CARD14: variants seen among roughly 807,000 people sequenced by gnomAD.
CARD14 encodes caspase recruitment domain family member 14.
A neutral mutation model predicts 111.5 loss-of-function variants in CARD14; 107 were observed. The observed-to-expected ratio is 0.96, with a 90% CI of 0.82 to 1.13. CARD14 has a LOEUF of 1.13. CARD14 is among the 50% of genes most tolerant of loss of function. CARD14 has a pLI of 0.00. For synonymous variants in CARD14, 617 were observed against 579.6 expected, an observed-to-expected ratio of 1.06 and a Z score of -0.93; for missense variants, 1,322 against 1,362.3, an observed-to-expected ratio of 0.97 and a Z score of 0.47.
At chr17:80,178,337 T>C (rs1406866425) in intron 2 of CARD14, among the ~76,000 whole-genome samples, 171 bp from the exon 3 acceptor site, 2 of 152,178 alleles carry the variant, frequency 1.3e-5, no homozygotes, top group African/African-American at 4.8e-5. Flanking sequence ...GAAGCTTCAA[T>C]AGTTACTGGG....
Position 80,182,518 on chromosome 17 carries a change from C to T in CARD14, c.212-135C>T, listed in dbSNP as rs80334117. ...TCCCACCCAGCAGAACCCAGAAAAC[C>T]GCTTTCACCTCCCGATTCTTACATG... On this transcript the variant is annotated intron_variant, in intron 5 of 23. Transcript: ENST00000648509. The surrounding 1 kb of genome is among the most constrained non-coding windows in gnomAD (Gnocchi z 4.7). 3.3e-5 allele frequency: 35 copies of T among 1,055,524 alleles called. No individual in the cohort carries two copies. The highest frequency in any genetic ancestry group is 7.8e-5 in the East Asian group (3 of 38,426). The allele number at this position is 1,055,524 out of a possible 1,614,324, so 65.4% of individuals were successfully genotyped here.
At chr17:80,206,938 C>T in intron 22 of CARD14, 32 bp from the exon 23 acceptor site, 1 of 1,543,528 alleles carries the variant, frequency 6.5e-7, no homozygotes, top group Non-Finnish European at 8.9e-7. Flanking sequence ...GGCCTGTGAT[C>T]TTGACTCACT....
chr17:80,202,556 C>T, intron 18 of CARD14, 136 bp downstream of exon 18: 1 of 1,454,466 alleles, frequency 6.9e-7, no homozygotes, highest in Non-Finnish European at 9.0e-7. Flanking sequence ...GGGAAGCCTG[C>T]CAAGATCACT....
At chr17:80,206,877 T>G (rs1027203917) in intron 22 of CARD14, 93 bp from the exon 23 acceptor site, 2 of 759,612 alleles carry the variant, frequency 2.6e-6, no homozygotes, top group Non-Finnish European at 4.2e-6. Flanking sequence ...GCCCTCAGCC[T>G]GTCCGGAGGG....
chr17:80,201,817 T>G lies in CARD14; in HGVS notation c.1925T>G (p.Leu642Arg). 1 of 1,614,042 alleles carries G rather than the reference T, an allele frequency of 6.2e-7. No individual in the cohort carries two copies. Among genetic ancestry groups the G allele is most frequent in the South Asian group, 1.1e-5 (1 of 91,084 alleles). Residue 642 changes from leucine (L) to arginine (R), a missense_variant, in exon 17 of 24, where the codon CTT (leucine) becomes CGT (arginine). Coordinates refer to ENST00000648509, the MANE Select transcript of CARD14 (RefSeq NM_001366385.1). The surrounding 1 kb of genome is among the most constrained non-coding windows in gnomAD (Gnocchi z 5.0). ...ACGACCCTGGAGGAGGCCGTGGGGC[T>G]TCTCAGGAGGGTGGACGGCTTCTGC... ...EDTTLEEAVG[L>R]LRRVDGFCCL...
At chr17:80,176,276 A>T (rs1412515046) in intron 2 of CARD14, among the ~76,000 whole-genome samples, 5 of 151,072 alleles carry the variant, frequency 3.3e-5, no homozygotes, top group Non-Finnish European at 1.5e-5. Context: ...ACAAAAAACA[A>T]CAACAACAAA....
chr17:80,190,636 G>T, intron 9 of CARD14, 138 bp from the exon 10 acceptor site: 1 of 843,866 alleles, frequency 1.2e-6, no homozygotes, highest in Non-Finnish European at 1.7e-6. Context: ...AAAAGAGAGA[G>T]AGAGACGAGT....
chr17:80,197,935 G>A lies in CARD14; in HGVS notation c.1595-164G>A, dbSNP rs575886564. Among the ~76,000 whole-genome samples the A allele has an allele frequency of 8.5e-5, 13 of 152,262 alleles. No homozygotes were observed. In the East Asian group the frequency reaches 2.1e-3, roughly 25 times the overall value. The stretch of plus-strand genomic sequence containing the variant: ...AAGGATGGAACAGGCAGTGGGGCCT[G>A]AGGCTGAGGGAGAAGGGGCTGAGGT... On this transcript the variant is annotated intron_variant, in intron 14 of 23. Coordinates refer to ENST00000648509, the MANE Select transcript of CARD14 (RefSeq NM_001366385.1).
At chr17:80,171,194 C>T (rs1383297767) in intron 1 of CARD14, among the ~76,000 whole-genome samples, 7 of 95,096 alleles carry the variant, frequency 7.4e-5, no homozygotes, top group Non-Finnish European at 1.5e-4. Context: ...TCCCTCCCTC[C>T]CTCCCTCCCT....
At chr17:80,194,444 G>A (rs747766350) in intron 12 of CARD14, among the ~76,000 whole-genome samples, 48 of 152,322 alleles carry the variant, frequency 3.2e-4, no homozygotes, top group Non-Finnish European at 5.9e-4. Flanking sequence ...CGCCTCGCAC[G>A]TCACATTTGT....
Position 80,201,960 on chromosome 17 carries a change from C to T in CARD14, c.1978+90C>T. 1 of 1,462,310 alleles carries T rather than the reference C, an allele frequency of 6.8e-7. No individual in the cohort carries two copies. Among genetic ancestry groups the T allele is most frequent in the Non-Finnish European group, 9.2e-7 (1 of 1,083,770 alleles). The allele number at this position is 1,462,310 out of a possible 1,614,324, so 90.6% of individuals were successfully genotyped here. On this transcript the variant is annotated intron_variant, in intron 17 of 23. Coordinates refer to ENST00000648509, the MANE Select transcript of CARD14 (RefSeq NM_001366385.1). This position sits in a 1 kb window ranked among gnomAD's most constrained non-coding sequence, Gnocchi z 5.0. Reference sequence around the variant, plus strand: ...GGTGGTTCTTCTGCACGCCCAGCAGCCAGGGACCCCCAGAGCCAAGAGAGG... The same window carrying T: ...GGTGGTTCTTCTGCACGCCCAGCAGTCAGGGACCCCCAGAGCCAAGAGAGG...
chr17:80,195,782 G>T lies in CARD14; in HGVS notation c.1594+130G>T, dbSNP rs2040692943. 1.0e-5 allele frequency: 8 copies of T among 779,970 alleles called. No individual in the cohort carries two copies. Among genetic ancestry groups the T allele is most frequent in the Non-Finnish European group, 1.6e-5 (8 of 491,080 alleles). The allele number at this position is 779,970 out of a possible 1,614,324, so 48.3% of individuals were successfully genotyped here. On this transcript the variant is annotated intron_variant, in intron 14 of 23. Coordinates refer to ENST00000648509, the MANE Select transcript of CARD14 (RefSeq NM_001366385.1). This position sits in a 1 kb window ranked among gnomAD's most constrained non-coding sequence, Gnocchi z 4.7. ...AAGCAGAGCTCAACTTCTGCCCTGGGCCTTGACCTTGGCCTCGACCTTGCA... is the reference window on the plus strand; with the variant it reads ...AAGCAGAGCTCAACTTCTGCCCTGGTCCTTGACCTTGGCCTCGACCTTGCA...
intron 10 of CARD14, 28 bp from the exon 11 acceptor site, chr17:80,191,295 G>T: frequency 6.3e-7 from 1 of 1,597,538 alleles, no homozygotes. Context: ...TGATGGCGCG[G>T]CCTCCTTACT....
At position 80,198,514 on chromosome 17, in the gene CARD14, G is replaced by C. The variant is rs1446581339; in HGVS notation, c.1774G>C (p.Gly592Arg). The C allele has an allele frequency of 6.2e-7, 1 of 1,613,260 alleles. No individual in the cohort carries two copies. The highest frequency in any genetic ancestry group is 1.1e-5 in the South Asian group (1 of 91,074). ...CAGCGTCATCGGCGGGAACCTCACGGGCATCTTCATCCACCGGGTCACCCC... is the reference window on the plus strand; with the variant it reads ...CAGCGTCATCGGCGGGAACCTCACGCGCATCTTCATCCACCGGGTCACCCC... Reference protein sequence around the residue: ...QISVIGGNLTGIFIHRVTPGS... With the variant: ...QISVIGGNLTRIFIHRVTPGS... The change falls in exon 16 of 24, where the codon GGC becomes CGC. Residue 592 changes from glycine to arginine, a missense_variant. Coordinates refer to ENST00000648509, the MANE Select transcript of CARD14 (RefSeq NM_001366385.1). This position sits in a 1 kb window ranked among gnomAD's most constrained non-coding sequence, Gnocchi z 7.5.
intron 7 of CARD14, among the ~76,000 whole-genome samples, chr17:80,184,506 C>T (rs2144192134): frequency 6.6e-6 from 1 of 152,348 alleles, no homozygotes. Context: ...TGTGAACTGC[C>T]CATCCTGCTG....
At position 80,201,951 on chromosome 17, in the gene CARD14, G is replaced by T; in HGVS notation, c.1978+81G>T. 1 of 1,495,638 alleles carries T rather than the reference G, an allele frequency of 6.7e-7. No individual in the cohort carries two copies. 92.6% of individuals were successfully genotyped at this position (1,495,638 alleles called of 1,614,324 possible). On this transcript the variant is annotated intron_variant, in intron 17 of 23. Transcript: ENST00000648509. This position sits in a 1 kb window ranked among gnomAD's most constrained non-coding sequence, Gnocchi z 5.0. Reference sequence around the variant, plus strand: ...TAAGTCCCTGGTGGTTCTTCTGCACGCCCAGCAGCCAGGGACCCCCAGAGC... The same window carrying T: ...TAAGTCCCTGGTGGTTCTTCTGCACTCCCAGCAGCCAGGGACCCCCAGAGC...
At chr17:80,190,710 C>T (rs2040497962) in intron 9 of CARD14, 64 bp from the exon 10 acceptor site, 1 of 1,592,636 alleles carries the variant, frequency 6.3e-7, no homozygotes, top group Non-Finnish European at 8.6e-7. Flanking sequence ...TTCCCCGACC[C>T]CCTTCTAAGG....
intron 4 of CARD14, among the ~76,000 whole-genome samples, chr17:80,180,969 G>T (rs1260589822): frequency 6.6e-6 from 1 of 151,936 alleles, no homozygotes. Flanking sequence ...CACCATATTT[G>T]CCAGGCTGGT....
chr17:80,195,434 C>T lies in CARD14; in HGVS notation c.1499+101C>T, dbSNP rs142981600. 21,618 of 1,508,964 alleles carry T rather than the reference C, an allele frequency of 0.014. 252 individuals carry two copies. Among genetic ancestry groups the T allele is most frequent in the South Asian group, 0.044 (3,487 of 78,938 alleles). 93.5% of individuals were successfully genotyped at this position (1,508,964 alleles called of 1,614,324 possible). On this transcript the variant is annotated intron_variant, in intron 13 of 23. Transcript: ENST00000648509. This position sits in a 1 kb window ranked among gnomAD's most constrained non-coding sequence, Gnocchi z 4.7. Reference sequence around the variant, plus strand: ...TAGACCTCAGGGCATCTGGGTATTGCAGGCAGCAGCTCCTGCCCTCGAAGC... The same window carrying T: ...TAGACCTCAGGGCATCTGGGTATTGTAGGCAGCAGCTCCTGCCCTCGAAGC...
Sources: allele counts gnomAD v4.1 joint callset (sites outside exome capture counted in the v4.1 genomes callset), GRCh38; gene constraint gnomAD v4.1.1; non-coding constraint Gnocchi (gnomAD v3.1); transcripts MANE v1.5; gene names NCBI Gene and HGNC (gene_info 2026-07-23, HGNC 2026-07-21).